The following ADAMTS18 variants were observed in gnomAD, a reference collection of about 807,000 sequenced individuals.
ADAMTS18 encodes the protein ADAM metallopeptidase with thrombospondin type 1 motif 18, also known as A disintegrin and metalloproteinase with thrombospondin motifs 18.
In ADAMTS18, 157 loss-of-function variants were observed where a neutral mutation model predicts 165.9. The observed-to-expected ratio is 0.95, with a 90% confidence interval of 0.83 to 1.08. The LOEUF (loss-of-function observed/expected upper bound fraction) is 1.08, where lower values mean the gene tolerates loss of function less well. ADAMTS18 is among the 50% of genes least tolerant of loss of function. The probability of loss-of-function intolerance (pLI) is 0.00; values close to 1 mark genes in which losing one functional copy is unlikely to be tolerated. For synonymous variants in ADAMTS18, 782 were observed against 578.2 expected (o/e 1.35, Z -5.06); for missense variants, 2,040 against 1,534.0 (o/e 1.33, Z -5.51).
chr16:77,429,589 T>TA (rs1437065169), intron 3 of ADAMTS18, among the ~76,000 whole-genome samples: 46 of 152,114 alleles, frequency 3.0e-4, no homozygotes, highest in African/African-American at 1.1e-3. Context: ...CCTAAAAGTT[T>TA]TAAAAAAAAA....
At chr16:77,343,084 T>TTC (rs2056423590) in intron 10 of ADAMTS18, among the ~76,000 whole-genome samples, 1 of 151,906 alleles carries the variant, frequency 6.6e-6, no homozygotes, top group East Asian at 1.9e-4. Flanking sequence ...CTTTTTTTTT[T>TTC]TTTTTGAGAG....
chr16:77,393,072 C>A (rs1259014201), intron 3 of ADAMTS18, among the ~76,000 whole-genome samples: 11 of 152,174 alleles, frequency 7.2e-5, no homozygotes, highest in Non-Finnish European at 1.5e-4. Flanking sequence ...TGAAAGTCAG[C>A]TGCATTTTGA....
chr16:77,357,181 G>A (rs990779255), intron 8 of ADAMTS18, among the ~76,000 whole-genome samples: 6 of 151,878 alleles, frequency 4.0e-5, no homozygotes, highest in African/African-American at 1.5e-4. Context: ...TATAGAGTTC[G>A]CCTTTGAAAG....
chr16:77,400,246 C>A (rs181784539), intron 3 of ADAMTS18, among the ~76,000 whole-genome samples: 23 of 152,220 alleles, frequency 1.5e-4, no homozygotes, highest in African/African-American at 5.1e-4. Context: ...CTCCAGCAGA[C>A]CACATCCCAC....
At chr16:77,308,171 A>C (rs763452087) in intron 16 of ADAMTS18, among the ~76,000 whole-genome samples, 11 of 152,206 alleles carry the variant, frequency 7.2e-5, no homozygotes, top group Non-Finnish European at 1.2e-4. Flanking sequence ...AGAGAAAAAA[A>C]TTCCTAACAT....
chr16:77,346,644 C>T (rs1433819184), intron 10 of ADAMTS18, among the ~76,000 whole-genome samples: 1 of 152,178 alleles, frequency 6.6e-6, no homozygotes, highest in East Asian at 1.9e-4. Context: ...TAAGAAACTT[C>T]TTCCAACTTC....
intron 10 of ADAMTS18, among the ~76,000 whole-genome samples, chr16:77,353,065 G>A (rs1221758275): frequency 6.6e-6 from 1 of 151,742 alleles, no homozygotes; most frequent in Non-Finnish European, 1.5e-5. Context: ...GGGCAACACA[G>A]TGAGACTCTG....
chr16:77,301,920 G>A (rs1380247871), intron 16 of ADAMTS18, among the ~76,000 whole-genome samples: 2 of 148,876 alleles, frequency 1.3e-5, no homozygotes, highest in South Asian at 2.2e-4. Context: ...ATGAACAAAT[G>A]CCCAGTTATC....
At chr16:77,375,955 C>A (rs9926018) in intron 3 of ADAMTS18, among the ~76,000 whole-genome samples, 1 of 142,308 alleles carries the variant, frequency 7.0e-6, no homozygotes, top group Non-Finnish European at 1.5e-5. Flanking sequence ...CCAGTTTGGA[C>A]TGCAATGGCA....
chr16:77,313,839 A>G (rs898650317), intron 16 of ADAMTS18, among the ~76,000 whole-genome samples: 3 of 152,226 alleles, frequency 2.0e-5, no homozygotes, highest in African/African-American at 7.2e-5. Flanking sequence ...AAGAAAAAGA[A>G]GTCTGCTGCT....
intron 3 of ADAMTS18, among the ~76,000 whole-genome samples, chr16:77,383,322 C>G (rs1305968646): frequency 2.0e-5 from 3 of 152,086 alleles, no homozygotes; most frequent in African/African-American, 7.2e-5. Flanking sequence ...CACTTTGCAG[C>G]CCCGTCCAAT....
intron 12 of ADAMTS18, among the ~76,000 whole-genome samples, chr16:77,332,203 C>G (rs147069613): frequency 4.3e-4 from 65 of 152,274 alleles, no homozygotes; most frequent in African/African-American, 1.2e-3. Context: ...ATGTTCTCAT[C>G]CTCTGCACTA....
intron 15 of ADAMTS18, among the ~76,000 whole-genome samples, chr16:77,320,345 C>T (rs910398114): frequency 2.0e-5 from 3 of 152,166 alleles, no homozygotes; most frequent in Non-Finnish European, 2.9e-5. Flanking sequence ...ATACACTCTT[C>T]TCCTTCCCAG....
chr16:77,323,422 C>T (rs1443288467), intron 13 of ADAMTS18, among the ~76,000 whole-genome samples: 1 of 152,132 alleles, frequency 6.6e-6, no homozygotes. Context: ...AAAAGGTTCT[C>T]TCCCATCTAT....
At chr16:77,369,567 A>C (rs1470617736) in intron 3 of ADAMTS18, among the ~76,000 whole-genome samples, 1 of 152,226 alleles carries the variant, frequency 6.6e-6, no homozygotes, top group Middle Eastern at 3.2e-3. Flanking sequence ...AATCTGAACA[A>C]ACCAATAACG....
intron 3 of ADAMTS18, among the ~76,000 whole-genome samples, chr16:77,412,280 G>C (rs1597243514): frequency 6.6e-6 from 1 of 152,044 alleles, no homozygotes; most frequent in Non-Finnish European, 1.5e-5. Flanking sequence ...CGAGTCTTGG[G>C]ACTTCTCAGT....
In ADAMTS18 at chr16:77,283,971, G is replaced by T; in HGVS notation, c.3651C>A (p.Cys1217Ter). The change falls in exon 23 of 23, where the codon TGC (cysteine) becomes TGA (stop). Residue 1217 changes from cysteine (C) to a stop codon, truncating the protein, a stop_gained. Coordinates refer to ENST00000282849, the MANE Select transcript of ADAMTS18 (RefSeq NM_199355.4). LOFTEE classifies it high-confidence loss of function. ...GACACCAAGATCAGATCTTCCTTGT[G>T]CATGACTTGCAGCATTGTTTTCCGT... The part of the protein sequence containing the change: ...KFYGKQCCKS[C>*]TRKI 1 of 1,613,602 alleles carries T rather than the reference G, an allele frequency of 6.2e-7. No individual in the cohort carries two copies. Among genetic ancestry groups the T allele is most frequent in the Non-Finnish European group, 8.5e-7 (1 of 1,179,598 alleles).
At chr16:77,292,922 C>T (rs1182144954) in intron 20 of ADAMTS18, 154 bp downstream of exon 20, 3 of 819,408 alleles carry the variant, frequency 3.7e-6, no homozygotes, top group Non-Finnish European at 5.7e-6. Flanking sequence ...TGGGTTCACG[C>T]CATGCTCCTG....
At chr16:77,302,551 A>G (rs1417683811) in intron 16 of ADAMTS18, among the ~76,000 whole-genome samples, 1 of 152,236 alleles carries the variant, frequency 6.6e-6, no homozygotes, top group African/African-American at 2.4e-5. Context: ...AATGCTATAC[A>G]GAAAGAAATT....
Sources: allele counts gnomAD v4.1 joint callset (sites outside exome capture counted in the v4.1 genomes callset), GRCh38; gene constraint gnomAD v4.1.1; transcripts MANE v1.5; gene names NCBI Gene and HGNC (gene_info 2026-07-23, HGNC 2026-07-21).